Variants in PLCZ1 observed in about 807,000 individuals in gnomAD.
PLCZ1 encodes the protein 1-phosphatidylinositol 4,5-bisphosphate phosphodiesterase zeta-1.
Under a neutral mutation model 76.8 loss-of-function variants are expected in PLCZ1, and 64 were observed. The observed-to-expected ratio is 0.83, with a 90% CI of 0.68 to 1.03. PLCZ1 has a LOEUF of 1.03. Among genes scored for constraint, PLCZ1 ranks in the 50% least tolerant of loss-of-function variants. The pLI, the probability that PLCZ1 is intolerant of heterozygous loss-of-function variation, is 0.00. For missense variants in PLCZ1, 751 were observed against 713.7 expected, an observed-to-expected ratio of 1.05 and a Z score of -0.60; for synonymous variants, 248 against 230.8, an observed-to-expected ratio of 1.07 and a Z score of -0.68.
chr12:18,732,750 T>G (rs1382527410), intron 3 of PLCZ1, among the ~76,000 whole-genome samples: 2 of 152,232 alleles, frequency 1.3e-5, no homozygotes, highest in Non-Finnish European at 2.9e-5. Context: ...CTTATTTCCC[T>G]TAATATAATG....
In PLCZ1 at chr12:18,719,468, G is replaced by T. The variant is rs1015780629; in HGVS notation, c.532C>A (p.Gln178Lys). ...CAAAGGTCACTTGGTCCCAATAATTGATCAGATACCAAATATGTGTTATGT... is the reference window on the plus strand; with the variant it reads ...CAAAGGTCACTTGGTCCCAATAATTTATCAGATACCAAATATGTGTTATGT... The part of the protein sequence containing the change: ...SSHNTYLVSD[Q>K]LLGPSDLWGY... Residue 178 changes from glutamine to lysine, a missense_variant, in exon 5 of 15, where the codon CAA becomes AAA. Transcript: ENST00000266505. The T allele has an allele frequency of 1.3e-6, 2 of 1,559,570 alleles. No homozygotes were observed. The highest frequency in any genetic ancestry group is 1.2e-5 in the South Asian group (1 of 81,074).
chr12:18,685,533 G>A (rs145349381), intron 13 of PLCZ1: 48 of 344,848 alleles, frequency 1.4e-4, no homozygotes, highest in Admixed American at 2.4e-4. Flanking sequence ...CTATATCTAT[G>A]TTTTCTATGG....
chr12:18,665,934 CA>C, the PLCZ1 span, among the ~76,000 whole-genome samples: 102 of 128,424 alleles, frequency 7.9e-4, no homozygotes, highest in Middle Eastern at 4.1e-3. Context: ...GACTCCATCT[CA>C]AAAAAAAAAA....
At chr12:18,711,990 T>C in intron 6 of PLCZ1, among the ~76,000 whole-genome samples, 1 of 152,282 alleles carries the variant, frequency 6.6e-6, no homozygotes, top group Non-Finnish European at 1.5e-5. Context: ...GATAAATTTA[T>C]ATAAATTTGT....
At chr12:18,683,527 G>T in intron 14 of PLCZ1, 1 of 1,512,704 alleles carries the variant, frequency 6.6e-7, no homozygotes. Context: ...GCCCAAAACT[G>T]AATACACAGC....
intron 3 of PLCZ1, among the ~76,000 whole-genome samples, chr12:18,727,833 C>T (rs986447636): frequency 6.6e-6 from 1 of 152,056 alleles, no homozygotes; most frequent in Non-Finnish European, 1.5e-5. Flanking sequence ...CTTTGATATG[C>T]ATATGAGTCA....
At chr12:18,693,792 C>T in intron 12 of PLCZ1, 3 of 1,512,894 alleles carry the variant, frequency 2.0e-6, no homozygotes, top group South Asian at 2.2e-5. Context: ...ACTTTGGATC[C>T]AGCGCTTATC....
chr12:18,718,115 A>T (rs1181974305), intron 5 of PLCZ1, among the ~76,000 whole-genome samples: 1 of 152,162 alleles, frequency 6.6e-6, no homozygotes, highest in East Asian at 1.9e-4. Context: ...TGTTAAAGTA[A>T]GCTAGGTGAA....
intron 5 of PLCZ1, among the ~76,000 whole-genome samples, chr12:18,718,579 T>C (rs900249402): frequency 6.6e-6 from 1 of 152,150 alleles, no homozygotes; most frequent in African/African-American, 2.4e-5. Flanking sequence ...CTGTTTAACA[T>C]GACCTTCCCA....
At chr12:18,667,847 T>C in the PLCZ1 span, among the ~76,000 whole-genome samples, 1 of 152,174 alleles carries the variant, frequency 6.6e-6, no homozygotes, top group Non-Finnish European at 1.5e-5. Flanking sequence ...ACCACATTGC[T>C]CTGCCTTCTT....
intron 5 of PLCZ1, chr12:18,713,831 A>T (rs1353344059): frequency 1.3e-5 from 2 of 152,190 alleles, no homozygotes; most frequent in Non-Finnish European, 2.9e-5. Flanking sequence ...TCTACCTAAA[A>T]AATAAATATT....
chr12:18,669,665 C>CTT, the PLCZ1 span, among the ~76,000 whole-genome samples: 15,469 of 148,556 alleles, frequency 0.1, 991 homozygotes, highest in African/African-American at 0.18. Context: ...CTCTTCCTCT[C>CTT]TTTTTTTTTT....
At chr12:18,674,825 T>C in the PLCZ1 span, among the ~76,000 whole-genome samples, 41 of 152,212 alleles carry the variant, frequency 2.7e-4, no homozygotes, top group South Asian at 1.7e-3. Flanking sequence ...TCAACACAGA[T>C]TGCACCCTCT....
At chr12:18,724,372 A>G (rs1456930962) in intron 3 of PLCZ1, among the ~76,000 whole-genome samples, 1 of 152,172 alleles carries the variant, frequency 6.6e-6, no homozygotes, top group African/African-American at 2.4e-5. Flanking sequence ...GGAGAGTTAG[A>G]AAAACTGGTA....
the PLCZ1 span, among the ~76,000 whole-genome samples, chr12:18,662,049 T>G: frequency 2.0e-5 from 3 of 152,096 alleles, no homozygotes; most frequent in South Asian, 6.2e-4. Context: ...CTGCGTGTTC[T>G]CCCGTATTAA....
At chr12:18,651,538 G>A in the PLCZ1 span, among the ~76,000 whole-genome samples, 1 of 152,092 alleles carries the variant, frequency 6.6e-6, no homozygotes, top group African/African-American at 2.4e-5. Context: ...CTTAGATCCA[G>A]GCAAGAGAAG....
chr12:18,706,349 A>G (rs527284716), intron 6 of PLCZ1, among the ~76,000 whole-genome samples: 1 of 152,302 alleles, frequency 6.6e-6, no homozygotes, highest in Non-Finnish European at 1.5e-5. Flanking sequence ...CTATATTTTT[A>G]TTGTTAATAT....
intron 3 of PLCZ1, among the ~76,000 whole-genome samples, chr12:18,735,613 G>C (rs925541607): frequency 1.3e-5 from 2 of 151,922 alleles, no homozygotes; most frequent in African/African-American, 4.8e-5. Flanking sequence ...TGGGTTATAT[G>C]GTTCTTGAAA....
chr12:18,651,170 A>G, the PLCZ1 span, among the ~76,000 whole-genome samples: 2 of 151,728 alleles, frequency 1.3e-5, no homozygotes, highest in African/African-American at 2.4e-5. Context: ...TCTCCTGGAC[A>G]CTCCAGGCAC....
Sources: allele counts gnomAD v4.1 joint callset (sites outside exome capture counted in the v4.1 genomes callset), GRCh38; gene constraint gnomAD v4.1.1; transcripts MANE v1.5; gene names NCBI Gene and HGNC (gene_info 2026-07-23, HGNC 2026-07-21).